CNTN1: variants seen among roughly 807,000 people sequenced by gnomAD.
CNTN1 encodes the protein contactin 1, also known as contactin-1.
A neutral mutation model predicts 126.4 loss-of-function variants in CNTN1; 38 were observed. The observed-to-expected ratio is 0.30, with a 90% CI of 0.23 to 0.39. CNTN1 has a LOEUF of 0.39. Ranked by LOEUF, CNTN1 falls within the 10% of genes least tolerant of loss-of-function variation. The probability of loss-of-function intolerance (pLI) is 1.00; values close to 1 mark genes in which losing one functional copy is unlikely to be tolerated. For synonymous variants in CNTN1, 413 were observed against 422.6 expected (o/e 0.98, Z 0.28); for missense variants, 1,009 against 1,248.4 (o/e 0.81, Z 2.89).
chr12:40,717,018 T>C (rs2061165794), intron 1 of CNTN1, among the ~76,000 whole-genome samples: 1 of 152,216 alleles, frequency 6.6e-6, no homozygotes, highest in South Asian at 2.1e-4. Flanking sequence ...TATTAATAGA[T>C]GTGTACAAAG....
At chr12:40,891,641 A>C (rs1268399898) in intron 1 of CNTN1, among the ~76,000 whole-genome samples, 2 of 152,048 alleles carry the variant, frequency 1.3e-5, no homozygotes, top group Non-Finnish European at 2.9e-5. Flanking sequence ...TGTTGAAATG[A>C]CTGTTTCTTA....
intron 17 of CNTN1, among the ~76,000 whole-genome samples, chr12:41,008,246 G>T (rs544112126): frequency 6.6e-6 from 1 of 152,198 alleles, no homozygotes; most frequent in African/African-American, 2.4e-5. Context: ...ATGTTAGTTC[G>T]AATATGACTA....
rs1301220736 is a variant in CNTN1 at position 40,922,262 on chromosome 12, A to G, written c.234A>G (p.Arg78=). The G allele has an allele frequency of 1.2e-6, 2 of 1,613,868 alleles. No homozygotes were observed. Among genetic ancestry groups the G allele is most frequent in the South Asian group, 2.2e-5 (2 of 91,076 alleles). The change falls in exon 5 of 24, where the codon AGA becomes AGG. Residue 78 remains arginine (R), a synonymous_variant. Coordinates refer to ENST00000551295, the MANE Select transcript of CNTN1 (RefSeq NM_001843.4). ...TTGTGTCTTTTTCTCATAGATGGAG[A>G]ATGAATAATGGGGACGTTGATCTCA... ...RASPFPVYKW[R]MNNGDVDLTS...
intron 1 of CNTN1, among the ~76,000 whole-genome samples, chr12:40,777,388 A>T (rs903607760): frequency 6.6e-6 from 1 of 151,682 alleles, no homozygotes; most frequent in Non-Finnish European, 1.5e-5. Flanking sequence ...AATGTTACAT[A>T]TGCTGTCTGG....
chr12:41,022,511 C>G (rs1448985282), intron 20 of CNTN1, among the ~76,000 whole-genome samples: 1 of 152,138 alleles, frequency 6.6e-6, no homozygotes, highest in Non-Finnish European at 1.5e-5. Flanking sequence ...CCTCATAGAA[C>G]TGTTATGTGA....
chr12:41,032,230 A>G (rs1949158738), intron 23 of CNTN1, among the ~76,000 whole-genome samples: 3 of 152,128 alleles, frequency 2.0e-5, no homozygotes, highest in Non-Finnish European at 4.4e-5. Flanking sequence ...GTTTTTTAAA[A>G]CACAAATCAA....
intron 1 of CNTN1, among the ~76,000 whole-genome samples, chr12:40,713,795 T>G (rs1411185211): frequency 6.6e-6 from 1 of 152,136 alleles, no homozygotes; most frequent in Admixed American, 6.6e-5. Flanking sequence ...CCAAAACCCC[T>G]GTGCATTATT....
intron 1 of CNTN1, among the ~76,000 whole-genome samples, chr12:40,698,146 T>C (rs1017659954): frequency 6.6e-6 from 1 of 151,686 alleles, no homozygotes; most frequent in African/African-American, 2.4e-5. Context: ...CTCCAGAGCA[T>C]AGGTGTTAAG....
intron 1 of CNTN1, among the ~76,000 whole-genome samples, chr12:40,748,244 G>C (rs1361875358): frequency 6.6e-6 from 1 of 152,112 alleles, no homozygotes; most frequent in Non-Finnish European, 1.5e-5. Context: ...GGAAGGGACT[G>C]TCTGTAGGGT....
At chr12:40,951,752 GA>G (rs1210435539) in intron 14 of CNTN1, among the ~76,000 whole-genome samples, 1 of 141,524 alleles carries the variant, frequency 7.1e-6, no homozygotes, top group Admixed American at 7.1e-5. Flanking sequence ...AGAAGAAAAG[GA>G]AAATGGTTTT....
intron 17 of CNTN1, among the ~76,000 whole-genome samples, chr12:41,009,932 C>A (rs1948602889): frequency 6.6e-6 from 1 of 152,152 alleles, no homozygotes. Flanking sequence ...AGTAAAATAT[C>A]TCTACCTAAT....
At chr12:40,883,069 G>A (rs1434694068) in intron 1 of CNTN1, among the ~76,000 whole-genome samples, 1 of 151,508 alleles carries the variant, frequency 6.6e-6, no homozygotes, top group Non-Finnish European at 1.5e-5. Context: ...TAGGCCATGT[G>A]TTACAATCAC....
In CNTN1 at chr12:40,908,515, T is replaced by C. The variant is rs199566682; in HGVS notation, c.61+22T>C. The C allele has an allele frequency of 2.3e-4, 349 of 1,488,180 alleles. 1 individual carries two copies. Among genetic ancestry groups the C allele is most frequent in the Non-Finnish European group, 5.1e-5 (55 of 1,069,016 alleles). The allele number at this position is 1,488,180 out of a possible 1,614,324, so 92.2% of individuals were successfully genotyped here. ...GCAGGTAAGAAATATCCTTTGTATA[T>C]TCTACATATATTATGTCAACATAAT... On this transcript the variant is annotated intron_variant, in intron 2 of 23. Coordinates refer to ENST00000551295, the MANE Select transcript of CNTN1 (RefSeq NM_001843.4).
chr12:41,018,618 A>G (rs1948834881), intron 19 of CNTN1, among the ~76,000 whole-genome samples: 2 of 150,818 alleles, frequency 1.3e-5, no homozygotes, highest in African/African-American at 4.9e-5. Context: ...ATATAAGTAT[A>G]TATGTATATA....
intron 1 of CNTN1, among the ~76,000 whole-genome samples, chr12:40,895,034 C>G (rs1944360601): frequency 6.6e-6 from 1 of 152,074 alleles, no homozygotes; most frequent in Admixed American, 6.6e-5. Context: ...AAGGTAATTC[C>G]AGAAATAGAT....
At chr12:40,854,715 C>G (rs965155148) in intron 1 of CNTN1, among the ~76,000 whole-genome samples, 1 of 152,090 alleles carries the variant, frequency 6.6e-6, no homozygotes, top group Non-Finnish European at 1.5e-5. Context: ...GGATTTCTAA[C>G]TCAGAGTAGG....
rs138237336 is a variant in CNTN1, at chr12:40,924,881, C to CATATATATATATATAT, written c.496+231_496+246dup. On this transcript the variant is annotated intron_variant, in intron 6 of 23. Coordinates refer to ENST00000551295, the MANE Select transcript of CNTN1 (RefSeq NM_001843.4). ...ATCTCTAATCATTTTAGTTTATAAA[C>CATATATATATATATAT]ATATATATATATATATAGTATTATG... 9.3e-3 allele frequency among the ~76,000 whole-genome samples: 1,046 copies of CATATATATATATATAT among 112,062 alleles called. 61 individuals carry two copies. Among genetic ancestry groups the CATATATATATATATAT allele is most frequent in the African/African-American group, 0.028 (824 of 29,754 alleles). 73.5% of individuals were successfully genotyped at this position (112,062 alleles called of 152,430 possible).
intron 1 of CNTN1, among the ~76,000 whole-genome samples, chr12:40,756,761 C>T (rs1938626524): frequency 1.3e-5 from 2 of 152,130 alleles, no homozygotes; most frequent in African/African-American, 4.8e-5. Context: ...TGAAGTAGTC[C>T]CTCAAGTCAT....
chr12:40,897,333 C>T (rs1944446464), intron 1 of CNTN1, among the ~76,000 whole-genome samples: 1 of 152,090 alleles, frequency 6.6e-6, no homozygotes, highest in African/African-American at 2.4e-5. Flanking sequence ...ATCAAGTTTT[C>T]TCTAAAGCTT....
Sources: gnomAD v4.1 joint callset for allele counts (sites outside exome capture counted in the v4.1 genomes callset) on GRCh38, gnomAD v4.1.1 for gene constraint, MANE v1.5 for transcripts, NCBI Gene and HGNC (gene_info 2026-07-23, HGNC 2026-07-21) for gene names.